Variants in TRIO observed in about 807,000 individuals in gnomAD.
TRIO encodes triple functional domain protein.
A neutral mutation model predicts 351.9 loss-of-function variants in TRIO; 58 were observed. The ratio of observed to expected loss-of-function variants is 0.16; its 90% CI spans 0.13 to 0.21. The LOEUF (loss-of-function observed/expected upper bound fraction) is 0.21. Ranked by LOEUF, TRIO falls within the 10% of genes least tolerant of loss-of-function variation. The pLI, the probability that TRIO is intolerant of heterozygous loss-of-function variation, is 1.00. For synonymous variants in TRIO, 1,758 were observed against 1,595.7 expected (o/e 1.10, Z -2.42); for missense variants, 3,201 against 4,027.8 (o/e 0.79, Z 5.56).
intron 27 of TRIO, among the ~76,000 whole-genome samples, chr5:14,393,180 T>C (rs1483428878): frequency 7.1e-6 from 1 of 140,694 alleles, no homozygotes; most frequent in African/African-American, 2.7e-5. Flanking sequence ...TACTCATAAG[T>C]GGGAGTTGAA....
intron 33 of TRIO, among the ~76,000 whole-genome samples, chr5:14,411,921 T>G (rs751204797): frequency 2.0e-5 from 3 of 152,090 alleles, no homozygotes; most frequent in Non-Finnish European, 4.4e-5. Context: ...TTTCAGTTAT[T>G]CTTAATGAAG....
intron 1 of TRIO, among the ~76,000 whole-genome samples, chr5:14,233,403 C>T: frequency 6.7e-6 from 1 of 150,126 alleles, no homozygotes; most frequent in East Asian, 2.0e-4. Context: ...AGTGGGAGGA[C>T]TGCTTGAGCC....
chr5:14,280,114 C>T (rs1219609082), intron 2 of TRIO, among the ~76,000 whole-genome samples: 1 of 152,182 alleles, frequency 6.6e-6, no homozygotes, highest in Non-Finnish European at 1.5e-5. Flanking sequence ...GTAGTACCTT[C>T]CATGTGGCCT....
At chr5:14,340,397 GAAAA>G (rs33944910) in intron 11 of TRIO, among the ~76,000 whole-genome samples, 1 of 131,516 alleles carries the variant, frequency 7.6e-6, no homozygotes. Context: ...ACTCCGTCTG[GAAAA>G]AAAAAAAAAA....
At chr5:14,185,530 G>A (rs946412820) in intron 1 of TRIO, among the ~76,000 whole-genome samples, 2 of 152,204 alleles carry the variant, frequency 1.3e-5, no homozygotes, top group Non-Finnish European at 2.9e-5. Context: ...CTTGCCACCT[G>A]CCCCTGCCTG....
intron 41 of TRIO, 42 bp downstream of exon 41, chr5:14,477,005 C>A: frequency 1.3e-6 from 2 of 1,538,246 alleles, no homozygotes; most frequent in South Asian, 1.2e-5. Flanking sequence ...CTGATGGTGT[C>A]ATCCTTAGTC....
intron 37 of TRIO, among the ~76,000 whole-genome samples, chr5:14,470,158 G>A (rs1390592017): frequency 1.3e-5 from 2 of 152,180 alleles, no homozygotes; most frequent in Admixed American, 1.3e-4. Flanking sequence ...TCAAAAATAA[G>A]ATCAGCAGTT....
At chr5:14,417,145 C>T (rs985496732) in intron 33 of TRIO, among the ~76,000 whole-genome samples, 2 of 152,212 alleles carry the variant, frequency 1.3e-5, no homozygotes, top group Admixed American at 6.5e-5. Flanking sequence ...GGCTGGGCCT[C>T]TGCCTTTGAG....
chr5:14,312,317 T>C (rs1053767132), intron 8 of TRIO, among the ~76,000 whole-genome samples: 2 of 152,372 alleles, frequency 1.3e-5, no homozygotes, highest in Middle Eastern at 3.4e-3. Flanking sequence ...CTTTTAAATA[T>C]TAGGAACAAA....
intron 1 of TRIO, among the ~76,000 whole-genome samples, chr5:14,219,339 G>A (rs368054171): frequency 6.0e-4 from 91 of 152,168 alleles, no homozygotes; most frequent in African/African-American, 2.2e-3. Context: ...TCCTTGCCCT[G>A]TACTTCTGCC....
intron 34 of TRIO, among the ~76,000 whole-genome samples, chr5:14,428,656 G>A (rs942944806): frequency 3.3e-5 from 5 of 152,152 alleles, no homozygotes; most frequent in African/African-American, 1.2e-4. Flanking sequence ...AGGTATTTTC[G>A]TGTTCCAACT....
intron 1 of TRIO, among the ~76,000 whole-genome samples, chr5:14,258,869 G>A (rs753998124): frequency 1.3e-5 from 2 of 152,222 alleles, no homozygotes; most frequent in South Asian, 2.1e-4. Flanking sequence ...TAGCTGTGCC[G>A]TGTCATTTCA....
intron 34 of TRIO, among the ~76,000 whole-genome samples, chr5:14,448,945 A>G (rs1393564339): frequency 6.6e-6 from 1 of 152,122 alleles, no homozygotes; most frequent in African/African-American, 2.4e-5. Context: ...CAAAAAATAT[A>G]TTTTAGGGGC....
intron 34 of TRIO, among the ~76,000 whole-genome samples, chr5:14,429,968 C>T (rs1164644406): frequency 6.6e-6 from 1 of 152,056 alleles, no homozygotes; most frequent in Non-Finnish European, 1.5e-5. Context: ...TGTGCGTGTG[C>T]CTTAGTGATT....
chr5:14,293,985 G>A (rs1235952325), intron 6 of TRIO, among the ~76,000 whole-genome samples: 1 of 146,700 alleles, frequency 6.8e-6, no homozygotes, highest in African/African-American at 2.5e-5. Context: ...GAACCGGCCT[G>A]GGCAACACAG....
At chr5:14,256,138 G>C (rs1795009491) in intron 1 of TRIO, among the ~76,000 whole-genome samples, 1 of 152,098 alleles carries the variant, frequency 6.6e-6, no homozygotes, top group South Asian at 2.1e-4. Context: ...TTTTGGTGAG[G>C]GCCTCAGGAA....
chr5:14,225,582 A>C (rs542050830), intron 1 of TRIO, among the ~76,000 whole-genome samples: 79 of 152,058 alleles, frequency 5.2e-4, no homozygotes, highest in African/African-American at 1.9e-3. Flanking sequence ...CCTGGAGGCC[A>C]CTCTCAGGTC....
intron 7 of TRIO, among the ~76,000 whole-genome samples, chr5:14,297,922 T>C (rs1451001338): frequency 6.6e-6 from 1 of 152,110 alleles, no homozygotes; most frequent in Non-Finnish European, 1.5e-5. Context: ...CCTGCCACTT[T>C]ATAAGGGAAA....
At chr5:14,207,225 T>C in intron 1 of TRIO, among the ~76,000 whole-genome samples, 1 of 150,402 alleles carries the variant, frequency 6.6e-6, no homozygotes, top group African/African-American at 2.5e-5. Context: ...AGGCTAGGAG[T>C]TCAGGACCAG....
Sources: allele counts gnomAD v4.1 joint callset (sites outside exome capture counted in the v4.1 genomes callset), GRCh38; gene constraint gnomAD v4.1.1; transcripts MANE v1.5; gene names NCBI Gene and HGNC (gene_info 2026-07-23, HGNC 2026-07-21).